C2CD3: variants seen among roughly 807,000 people sequenced by gnomAD.
C2CD3 encodes the protein C2 domain-containing protein 3.
Under a neutral mutation model 234.0 loss-of-function variants are expected in C2CD3, and 148 were observed. The observed-to-expected ratio is 0.63, with a 90% CI of 0.55 to 0.72. The LOEUF (loss-of-function observed/expected upper bound fraction) is 0.72, where lower values mean the gene tolerates loss of function less well. Ranked by LOEUF, C2CD3 falls within the 30% of genes least tolerant of loss-of-function variation. The pLI is 0.00. For synonymous variants in C2CD3, 1,000 were observed against 1,035.4 expected, an observed-to-expected ratio of 0.97 and a Z score of 0.66; for missense variants, 2,577 against 2,811.5, an observed-to-expected ratio of 0.92 and a Z score of 1.89.
intron 26 of C2CD3, among the ~76,000 whole-genome samples, chr11:74,051,470 G>A (rs965079693): frequency 6.6e-6 from 1 of 152,172 alleles, no homozygotes; most frequent in African/African-American, 2.4e-5. Context: ...CTTGAGGAGT[G>A]CTTTGGCTAA....
rs59538617 is a variant in C2CD3, at chr11:74,096,485, G to GA, written c.2980-1078dup. ...TTGATTCCCTCGGGCAAAAAAAATTGAAAAAAAAAATCTCTCAGAGTCACA... is the reference window on the plus strand; with the variant it reads ...TTGATTCCCTCGGGCAAAAAAAATTGAAAAAAAAAAATCTCTCAGAGTCACA... On this transcript the variant is annotated intron_variant, in intron 16 of 32. Transcript: ENST00000334126. Among the ~76,000 whole-genome samples the GA allele has an allele frequency of 1.7e-3, 250 of 149,916 alleles. 2 individuals are homozygous for GA. The highest frequency in any genetic ancestry group is 5.2e-3 in the African/African-American group (214 of 40,940).
intron 24 of C2CD3, among the ~76,000 whole-genome samples, chr11:74,062,244 G>C (rs1366537944): frequency 6.6e-6 from 1 of 152,092 alleles, no homozygotes; most frequent in Non-Finnish European, 1.5e-5. Context: ...GGATATCCAG[G>C]AATTGAACTC....
chr11:74,026,013 G>A (rs1163021268), intron 32 of C2CD3, among the ~76,000 whole-genome samples: 1 of 152,106 alleles, frequency 6.6e-6, no homozygotes, highest in African/African-American at 2.4e-5. Flanking sequence ...ACCACAAACC[G>A]GAGTAGTAAG....
intron 32 of C2CD3, among the ~76,000 whole-genome samples, chr11:74,024,568 T>C (rs1403265355): frequency 2.0e-5 from 3 of 152,256 alleles, no homozygotes; most frequent in African/African-American, 7.2e-5. Flanking sequence ...GTGCTCCTGC[T>C]CAAATAATAT....
chr11:74,038,831 T>G (rs1952868016), intron 29 of C2CD3, among the ~76,000 whole-genome samples: 1 of 152,248 alleles, frequency 6.6e-6, no homozygotes, highest in African/African-American at 2.4e-5. Flanking sequence ...TCAGTTTCCC[T>G]AAGTAGGCCA....
chr11:74,165,334 C>CACTATGCATGAAG (rs1434603891), intron 2 of C2CD3, among the ~76,000 whole-genome samples: 2 of 152,124 alleles, frequency 1.3e-5, no homozygotes, highest in Non-Finnish European at 2.9e-5. Context: ...TAAATCTCTT[C>CACTATGCATGAAG]ATGCAATAGT....
chr11:74,026,140 G>A (rs528992891), intron 32 of C2CD3, among the ~76,000 whole-genome samples: 55 of 152,166 alleles, frequency 3.6e-4, no homozygotes, highest in African/African-American at 1.3e-3. Flanking sequence ...GTGAGACCCC[G>A]TCTCTAAGAA....
chr11:74,063,034 A>G (rs1954322271), intron 24 of C2CD3, among the ~76,000 whole-genome samples: 1 of 152,236 alleles, frequency 6.6e-6, no homozygotes, highest in Non-Finnish European at 1.5e-5. Context: ...ATCTAGAAGA[A>G]ATGGATAAAT....
chr11:74,065,760 G>A (rs929260448), intron 24 of C2CD3, among the ~76,000 whole-genome samples: 1 of 151,828 alleles, frequency 6.6e-6, no homozygotes, highest in African/African-American at 2.4e-5. Flanking sequence ...CATGTCCTTT[G>A]TAAGGACATG....
In C2CD3 at chr11:74,078,364, T is replaced by C. The variant is rs1270437754; in HGVS notation, c.4354A>G (p.Lys1452Glu). 5.6e-6 allele frequency: 9 copies of C among 1,614,162 alleles called. No homozygotes were observed. The South Asian group carries it at 9.9e-5, about 18-fold the overall frequency. ...YDHEAFWTPL[K>E]KPKESVNKKQ... is the part of the protein sequence containing the mutation. ...TTGTTTACAGATTCCTTAGGCTTCT[T>C]GAGAGGGGTCCAAAAGGCTTCATGA... is the stretch of plus-strand genomic sequence containing the variant. Residue 1452 changes from lysine (K) to glutamate (E), a missense_variant, in exon 23 of 33, where the codon AAG becomes GAG. Coordinates refer to ENST00000334126, the MANE Select transcript of C2CD3 (RefSeq NM_001286577.2).
At position 74,085,772 on chromosome 11, in the gene C2CD3, A is replaced by G; in HGVS notation, c.3756T>C (p.Pro1252=). Residue 1252 remains proline (P), a synonymous_variant, in exon 21 of 33, where the codon CCT becomes CCC. Transcript: ENST00000334126. Reference sequence around the variant, plus strand: ...ACTCAGGGCAGAAAGAACAGGCCACAGGGTGGGTTCGGCGCTGTTCTCCCT... The same window carrying G: ...ACTCAGGGCAGAAAGAACAGGCCACGGGGTGGGTTCGGCGCTGTTCTCCCT... ...LPQGEQRRTH[P]VACSFCPEFS... is the part of the protein sequence containing the mutation. The G allele has an allele frequency of 3.7e-6, 6 of 1,614,196 alleles. No homozygotes were observed. Among genetic ancestry groups the G allele is most frequent in the Admixed American group, 3.3e-5 (2 of 60,024 alleles).
At position 74,159,107 on chromosome 11, in the gene C2CD3, T is replaced by A. The variant is rs1856255598; in HGVS notation, c.483+2292A>T. Among the ~76,000 whole-genome samples the A allele has an allele frequency of 1.3e-5, 2 of 152,198 alleles. 1 individual carries two copies. Among genetic ancestry groups the A allele is most frequent in the Admixed American group, 1.3e-4 (2 of 15,282 alleles). On this transcript the variant is annotated intron_variant, in intron 3 of 32. Coordinates refer to ENST00000334126, the MANE Select transcript of C2CD3 (RefSeq NM_001286577.2). The stretch of plus-strand genomic sequence containing the variant: ...AGGTTGAAAAATTCCTATCGCCTAG[T>A]GACTATAGTGTTGTAATGTGGTAGT...
intron 8 of C2CD3, among the ~76,000 whole-genome samples, chr11:74,122,240 C>G (rs938799467): frequency 6.6e-6 from 1 of 152,200 alleles, no homozygotes; most frequent in Non-Finnish European, 1.5e-5. Context: ...AAAACACTAT[C>G]TTTCAATCTC....
At chr11:74,091,106 T>G (rs1469015126) in intron 19 of C2CD3, among the ~76,000 whole-genome samples, 170 bp from the exon 20 acceptor site, 1 of 152,238 alleles carries the variant, frequency 6.6e-6, no homozygotes, top group Non-Finnish European at 1.5e-5. Context: ...TTAAGGTTAA[T>G]AAAGGTTTAA....
chr11:74,062,662 A>G (rs1485585400), intron 24 of C2CD3, among the ~76,000 whole-genome samples: 2 of 152,126 alleles, frequency 1.3e-5, no homozygotes, highest in African/African-American at 2.4e-5. Context: ...AATGCCCACA[A>G]GAGAAAGCAG....
intron 26 of C2CD3, among the ~76,000 whole-genome samples, chr11:74,052,437 G>T (rs1953741282): frequency 6.6e-6 from 1 of 152,118 alleles, no homozygotes; most frequent in Non-Finnish European, 1.5e-5. Flanking sequence ...TTTAATTCGG[G>T]CCACATAGTT....
rs1955159057 is a variant in C2CD3 at position 74,078,167 on chromosome 11, A to G, written c.4551T>C (p.Tyr1517=). Residue 1517 remains tyrosine (Y), a synonymous_variant, in exon 23 of 33, where the codon TAT becomes TAC. Transcript: ENST00000334126. ...TCTCCCCAAGTCTGGCCAGGTCCAC[A>G]TAGGCTGAGCCAATCCAGCTGTCTG... ...HQTDSWIGSA[Y]VDLARLGERS... The G allele has an allele frequency of 3.7e-6, 6 of 1,613,902 alleles. No homozygotes were observed. The highest frequency in any genetic ancestry group is 1.7e-5 in the Admixed American group (1 of 59,972).
intron 24 of C2CD3, among the ~76,000 whole-genome samples, chr11:74,072,063 C>T (rs988245077): frequency 1.3e-5 from 2 of 151,782 alleles, no homozygotes; most frequent in Non-Finnish European, 1.5e-5. Flanking sequence ...TTAATACTTT[C>T]CTTAAACTCA....
chr11:74,022,029 G>A (rs905177865), intron 32 of C2CD3, among the ~76,000 whole-genome samples: 3 of 152,182 alleles, frequency 2.0e-5, no homozygotes, highest in Non-Finnish European at 4.4e-5. Context: ...GGGAGGCTGA[G>A]GCAGGAGAAT....
Sources: allele counts gnomAD v4.1 joint callset (sites outside exome capture counted in the v4.1 genomes callset), GRCh38; gene constraint gnomAD v4.1.1; transcripts MANE v1.5; gene names NCBI Gene and HGNC (gene_info 2026-07-23, HGNC 2026-07-21).